The following WWOX variants were observed in gnomAD, a reference collection of about 807,000 sequenced individuals.
The protein encoded by WWOX is WW domain-containing oxidoreductase.
Under a neutral mutation model 46.2 loss-of-function variants are expected in WWOX, and 69 were observed. That is an observed-to-expected ratio of 1.49 (90% CI 1.23 to 1.82). The LOEUF (loss-of-function observed/expected upper bound fraction) is 1.82. Among genes scored for constraint, WWOX ranks in the 40% most tolerant of loss-of-function variants. WWOX has a pLI of 0.00. For synonymous variants in WWOX, 359 were observed against 202.6 expected, an observed-to-expected ratio of 1.77 and a Z score of -6.56; for missense variants, 919 against 542.6, an observed-to-expected ratio of 1.69 and a Z score of -6.89.
intron 6 of WWOX, among the ~76,000 whole-genome samples, chr16:78,400,974 C>G (rs762654012): frequency 2.0e-5 from 3 of 152,148 alleles, no homozygotes; most frequent in African/African-American, 4.8e-5. Flanking sequence ...ATGCCTGCAC[C>G]ATCATGCCTG....
chr16:78,658,533 G>A (rs903397004), intron 8 of WWOX, among the ~76,000 whole-genome samples: 2 of 152,244 alleles, frequency 1.3e-5, no homozygotes, highest in Admixed American at 1.3e-4. Context: ...TGGCAGAGTT[G>A]GTTCCTCCCG....
At chr16:78,517,264 C>G (rs2043253892) in intron 8 of WWOX, among the ~76,000 whole-genome samples, 1 of 152,152 alleles carries the variant, frequency 6.6e-6, no homozygotes, top group African/African-American at 2.4e-5. Flanking sequence ...TCAGATGTAA[C>G]TTGGTACCCA....
At chr16:78,931,697 T>C (rs573398356) in intron 8 of WWOX, among the ~76,000 whole-genome samples, 1 of 152,334 alleles carries the variant, frequency 6.6e-6, no homozygotes, top group East Asian at 1.9e-4. Context: ...GACAAGTGTT[T>C]AGTATTTTCC....
intron 8 of WWOX, among the ~76,000 whole-genome samples, chr16:78,718,689 C>G (rs2048624086): frequency 6.6e-6 from 1 of 152,092 alleles, no homozygotes; most frequent in African/African-American, 2.4e-5. Context: ...GCCTGGCCAA[C>G]ATAGTGAGAC....
At chr16:78,855,291 C>G (rs1385301555) in intron 8 of WWOX, among the ~76,000 whole-genome samples, 1 of 152,086 alleles carries the variant, frequency 6.6e-6, no homozygotes, top group Non-Finnish European at 1.5e-5. Context: ...TAGGAGTCAT[C>G]TTCTTGAAAT....
intron 8 of WWOX, among the ~76,000 whole-genome samples, chr16:78,797,599 G>T (rs1404570642): frequency 6.6e-6 from 1 of 152,092 alleles, no homozygotes; most frequent in Non-Finnish European, 1.5e-5. Context: ...ATATTCCTGA[G>T]CTTCCATGTG....
intron 5 of WWOX, among the ~76,000 whole-genome samples, chr16:78,294,555 C>G (rs956040133): frequency 6.6e-6 from 1 of 152,136 alleles, no homozygotes; most frequent in Admixed American, 6.5e-5. Flanking sequence ...CCATTTTACT[C>G]TTACCTCATT....
At chr16:78,363,140 ATGTGTT>A (rs1236073497) in intron 5 of WWOX, among the ~76,000 whole-genome samples, 1 of 151,548 alleles carries the variant, frequency 6.6e-6, no homozygotes, top group African/African-American at 2.4e-5. Flanking sequence ...CTGTGTGTGT[ATGTGTT>A]TGTGTGTGTG....
chr16:78,748,483 C>T (rs2049401437), intron 8 of WWOX, among the ~76,000 whole-genome samples: 1 of 152,154 alleles, frequency 6.6e-6, no homozygotes, highest in Non-Finnish European at 1.5e-5. Context: ...CTGTAAAGTT[C>T]ACCTTTCGGC....
intron 7 of WWOX, among the ~76,000 whole-genome samples, chr16:78,430,504 T>A (rs1012864715): frequency 1.3e-4 from 20 of 152,276 alleles, no homozygotes; most frequent in African/African-American, 4.6e-4. Flanking sequence ...ACTGGGGCAT[T>A]CTTCATTGAG....
At chr16:78,290,637 G>A (rs990699544) in intron 5 of WWOX, among the ~76,000 whole-genome samples, 7 of 152,054 alleles carry the variant, frequency 4.6e-5, no homozygotes, top group East Asian at 3.9e-4. Context: ...GTAACTTGCC[G>A]TGTCGGACTT....
In WWOX at chr16:78,670,741, G is replaced by T. The variant is rs997933008; in HGVS notation, c.1056+237989G>T. Among the ~76,000 whole-genome samples the T allele has an allele frequency of 1.4e-4, 21 of 152,088 alleles. No homozygotes were observed. In the East Asian group the frequency reaches 3.7e-3, roughly 27 times the overall value. On this transcript the variant is annotated intron_variant, in intron 8 of 8. Transcript: ENST00000566780. Reference sequence around the variant, plus strand: ...TGCCCAGGCTAGTCTCAAACTGTTGGGCTGAAGCAGTTCTCCTGCTTTGAC... The same window carrying T: ...TGCCCAGGCTAGTCTCAAACTGTTGTGCTGAAGCAGTTCTCCTGCTTTGAC...
At chr16:78,667,670 CAA>C (rs35375082) in intron 8 of WWOX, among the ~76,000 whole-genome samples, 2,800 of 61,140 alleles carry the variant, frequency 0.046, 13 homozygotes, top group East Asian at 0.1. Flanking sequence ...GACTCCGTCT[CAA>C]AAAAAAAAAA....
At chr16:78,333,217 A>G (rs1424852466) in intron 5 of WWOX, among the ~76,000 whole-genome samples, 1 of 150,760 alleles carries the variant, frequency 6.6e-6, no homozygotes, top group Admixed American at 6.6e-5. Flanking sequence ...CACCCAGGTA[A>G]TTTTTCATTT....
chr16:78,538,393 T>G (rs1404221449), intron 8 of WWOX, among the ~76,000 whole-genome samples: 14 of 152,274 alleles, frequency 9.2e-5, no homozygotes. Context: ...CCCATGAGTC[T>G]TAAACCTCTG....
In WWOX at chr16:78,595,499, C is replaced by T. The variant is rs150473214; in HGVS notation, c.1056+162747C>T. Among the ~76,000 whole-genome samples, 321 of 152,322 alleles carry T rather than the reference C, an allele frequency of 2.1e-3. 2 individuals are homozygous for T. The highest frequency in any genetic ancestry group is 7.3e-3 in the African/African-American group (304 of 41,580). ...ACTAACATACTCACTCATGACTTCACGTGGCTATGTACAAGACCACATCTC... is the reference window on the plus strand; with the variant it reads ...ACTAACATACTCACTCATGACTTCATGTGGCTATGTACAAGACCACATCTC... On this transcript the variant is annotated intron_variant, in intron 8 of 8. Coordinates refer to ENST00000566780, the MANE Select transcript of WWOX (RefSeq NM_016373.4).
At chr16:78,242,898 C>T (rs756945812) in intron 5 of WWOX, among the ~76,000 whole-genome samples, 28 of 152,146 alleles carry the variant, frequency 1.8e-4, no homozygotes, top group Middle Eastern at 3.2e-3. Flanking sequence ...ATTCCAGCTA[C>T]TTGGGAGGCT....
At chr16:78,523,889 C>G in intron 8 of WWOX, among the ~76,000 whole-genome samples, 1 of 152,218 alleles carries the variant, frequency 6.6e-6, no homozygotes, top group East Asian at 1.9e-4. Context: ...GAAGAAATTA[C>G]AGGTAAGAAC....
rs182834258 is a variant in WWOX, at chr16:78,663,170, C to T, written c.1056+230418C>T. ...GCCAGCATTCCCTATTTTATACCCC[C>T]GATCTCTTGACAACTACTCATTGAC... On this transcript the variant is annotated intron_variant, in intron 8 of 8. Transcript: ENST00000566780. 2.6e-3 allele frequency among the ~76,000 whole-genome samples: 401 copies of T among 152,264 alleles called. 2 individuals carry two copies. Among genetic ancestry groups the T allele is most frequent in the African/African-American group, 9.3e-3 (385 of 41,548 alleles).
Sources: allele counts gnomAD v4.1 joint callset (sites outside exome capture counted in the v4.1 genomes callset), GRCh38; gene constraint gnomAD v4.1.1; transcripts MANE v1.5; gene names NCBI Gene and HGNC (gene_info 2026-07-23, HGNC 2026-07-21).